RDX: variants seen among roughly 807,000 people sequenced by gnomAD.
The protein encoded by RDX is radixin.
A neutral mutation model predicts 83.7 loss-of-function variants in RDX; 32 were observed. The observed-to-expected ratio is 0.38, with a 90% confidence interval of 0.29 to 0.51. The LOEUF (loss-of-function observed/expected upper bound fraction) is 0.51, where lower values mean the gene tolerates loss of function less well. Among genes scored for constraint, RDX ranks in the 20% least tolerant of loss-of-function variants. The probability of loss-of-function intolerance (pLI) is 0.87; values close to 1 mark genes in which losing one functional copy is unlikely to be tolerated. For missense variants in RDX, 600 were observed against 689.9 expected, an observed-to-expected ratio of 0.87 and a Z score of 1.46; for synonymous variants, 229 against 222.7, an observed-to-expected ratio of 1.03 and a Z score of -0.25.
intron 12 of RDX, among the ~76,000 whole-genome samples, chr11:110,234,311 TA>T (rs1389259276): frequency 6.6e-6 from 1 of 152,056 alleles, no homozygotes; most frequent in Non-Finnish European, 1.5e-5. Context: ...ATCAAAATAA[TA>T]AAAAGAGAAA....
chr11:110,273,437 G>C (rs1198468948), intron 2 of RDX, among the ~76,000 whole-genome samples: 1 of 152,204 alleles, frequency 6.6e-6, no homozygotes, highest in Admixed American at 6.5e-5. Context: ...GTCTCACTAT[G>C]TTGTGCTCAG....
At chr11:110,187,399 C>T (rs1175035187) in intron 15 of RDX, among the ~76,000 whole-genome samples, 2 of 152,178 alleles carry the variant, frequency 1.3e-5, no homozygotes, top group Admixed American at 1.3e-4. Flanking sequence ...GCTTCATGCC[C>T]AGGCAGATCT....
At chr11:110,266,069 A>G (rs1860029396) in intron 3 of RDX, among the ~76,000 whole-genome samples, 1 of 152,128 alleles carries the variant, frequency 6.6e-6, no homozygotes, top group Non-Finnish European at 1.5e-5. Flanking sequence ...TCACGTCTGT[A>G]ATCCCAGCAC....
chr11:110,241,075 A>AGGGG (rs1163295523), intron 10 of RDX, among the ~76,000 whole-genome samples: 2 of 134,026 alleles, frequency 1.5e-5, no homozygotes, highest in Non-Finnish European at 3.2e-5. Context: ...AAAAAAAAAA[A>AGGGG]GGGGCGGGGG....
intron 14 of RDX, among the ~76,000 whole-genome samples, chr11:110,221,923 A>C (rs1192996330): frequency 6.6e-6 from 1 of 152,122 alleles, no homozygotes; most frequent in East Asian, 1.9e-4. Context: ...GCAAAGTCTC[A>C]TCTATTCATC....
At chr11:110,285,512 G>A (rs139183400) in intron 1 of RDX, among the ~76,000 whole-genome samples, 78 of 152,106 alleles carry the variant, frequency 5.1e-4, no homozygotes, top group African/African-American at 1.5e-3. Context: ...TCAGGAGTTC[G>A]AGACCATCCT....
chr11:110,209,685 C>G (rs1256453228), intron 14 of RDX, among the ~76,000 whole-genome samples: 1 of 147,424 alleles, frequency 6.8e-6, no homozygotes, highest in Admixed American at 6.7e-5. Flanking sequence ...TGACCCCTGA[C>G]CCCCGAGCAG....
At chr11:110,259,632 T>C (rs1859720716) in intron 5 of RDX, among the ~76,000 whole-genome samples, 1 of 152,176 alleles carries the variant, frequency 6.6e-6, no homozygotes, top group African/African-American at 2.4e-5. Context: ...GAGAAGAGTT[T>C]CATCTTCCTT....
chr11:110,249,058 TCTACCA>T (rs1167629283), intron 9 of RDX, among the ~76,000 whole-genome samples: 2 of 152,106 alleles, frequency 1.3e-5, no homozygotes, highest in Non-Finnish European at 2.9e-5. Context: ...TCACCAAACA[TCTACCA>T]AGAGCCTACC....
rs1232437292 is a variant in RDX at position 110,231,898 on chromosome 11, G to C, written c.1723C>G (p.Gln575Glu). The change falls in exon 14 of 14, where the codon CAG (glutamine) becomes GAG (glutamate). Residue 575 changes from glutamine (Q) to glutamate (E), a missense_variant. Transcript: ENST00000645495. ...LRQIRQGNTKQRIDEFEAM is the reference protein window; with the variant it reads ...LRQIRQGNTKERIDEFEAM Reference sequence around the variant, plus strand: ...ATTGCTTCAAACTCATCGATACGCTGCTTTGTATTGCCTTGTCGAATCTGT... The same window carrying C: ...ATTGCTTCAAACTCATCGATACGCTCCTTTGTATTGCCTTGTCGAATCTGT... 1 of 1,612,964 alleles carries C rather than the reference G, an allele frequency of 6.2e-7. No individual in the cohort carries two copies. The highest frequency in any genetic ancestry group is 8.5e-7 in the Non-Finnish European group (1 of 1,179,992).
chr11:110,225,658 T>C (rs1456462760), downstream of RDX, among the ~76,000 whole-genome samples: 1 of 152,114 alleles, frequency 6.6e-6, no homozygotes, highest in Non-Finnish European at 1.5e-5. Flanking sequence ...TAACAATTGT[T>C]AGTGAGGATG....
At chr11:110,239,335 G>C (rs752479691) in intron 10 of RDX, among the ~76,000 whole-genome samples, 1 of 151,964 alleles carries the variant, frequency 6.6e-6, no homozygotes. Context: ...GAGAGATAAT[G>C]GGTGTTACAT....
chr11:110,209,140 G>A (rs1380650754), intron 14 of RDX, among the ~76,000 whole-genome samples: 6 of 152,184 alleles, frequency 3.9e-5, no homozygotes, highest in Admixed American at 6.5e-5. Flanking sequence ...CGCACCGTGC[G>A]CGAGCTGAAG....
At chr11:110,211,475 C>G (rs1328221881) in intron 14 of RDX, among the ~76,000 whole-genome samples, 2 of 151,330 alleles carry the variant, frequency 1.3e-5, no homozygotes, top group African/African-American at 4.9e-5. Flanking sequence ...AGCTCTGCAC[C>G]AAGCAGACCT....
intron 15 of RDX, among the ~76,000 whole-genome samples, chr11:110,184,350 C>G (rs572319607): frequency 1.3e-5 from 2 of 152,342 alleles, no homozygotes; most frequent in African/African-American, 4.8e-5. Flanking sequence ...CTGTGGGGTT[C>G]TCCAGCCTCT....
intron 7 of RDX, 132 bp from the exon 8 acceptor site, chr11:110,255,517 C>A (rs1366422535): frequency 1.6e-6 from 1 of 641,088 alleles, no homozygotes; most frequent in East Asian, 2.8e-5. Flanking sequence ...TTATTCATAA[C>A]TACAGTTGAC....
chr11:110,222,870 T>A (rs1864299689), intron 14 of RDX, among the ~76,000 whole-genome samples: 1 of 152,200 alleles, frequency 6.6e-6, no homozygotes, highest in African/African-American at 2.4e-5. Context: ...AAACGACTAC[T>A]TTTAAAAGAT....
intron 15 of RDX, chr11:110,175,265 T>C (rs1862746188): frequency 6.6e-6 from 1 of 152,236 alleles, no homozygotes. Flanking sequence ...CATTTATTTC[T>C]AATGTTTCCA....
In RDX at chr11:110,273,403, T is replaced by C. The variant is rs75290977; in HGVS notation, c.13-784A>G. 9.5e-3 allele frequency among the ~76,000 whole-genome samples: 1,441 copies of C among 152,324 alleles called. 12 individuals are homozygous for C. Among genetic ancestry groups the C allele is most frequent in the Non-Finnish European group, 0.014 (985 of 68,030 alleles). On this transcript the variant is annotated intron_variant, in intron 2 of 13. Coordinates refer to ENST00000645495, the MANE Select transcript of RDX (RefSeq NM_002906.4). Reference sequence around the variant, plus strand: ...ACAGTGCTTTATTTGCTAGATTCTATTTTTTGTTGTTTTTAGAGACAGGGT... The same window carrying C: ...ACAGTGCTTTATTTGCTAGATTCTACTTTTTGTTGTTTTTAGAGACAGGGT...
Sources: allele counts gnomAD v4.1 joint callset (sites outside exome capture counted in the v4.1 genomes callset), GRCh38; gene constraint gnomAD v4.1.1; transcripts MANE v1.5; gene names NCBI Gene and HGNC (gene_info 2026-07-23, HGNC 2026-07-21).